The following UNC13C variants were observed in gnomAD, a reference collection of about 807,000 sequenced individuals.
UNC13C encodes the protein protein unc-13 homolog C.
A neutral mutation model predicts 245.4 loss-of-function variants in UNC13C; 174 were observed. That is an observed-to-expected ratio of 0.71 (90% CI 0.63 to 0.80). The LOEUF (loss-of-function observed/expected upper bound fraction) is 0.80, where lower values mean the gene tolerates loss of function less well. UNC13C is among the 30% of genes least tolerant of loss of function. The probability of loss-of-function intolerance (pLI) is 0.00; values close to 1 mark genes in which losing one functional copy is unlikely to be tolerated. For synonymous variants in UNC13C, 992 were observed against 895.1 expected (o/e 1.11, Z -1.93); for missense variants, 2,829 against 2,602.9 (o/e 1.09, Z -1.89).
chr15:54,044,680 A>G (rs1167078295), intron 2 of UNC13C, among the ~76,000 whole-genome samples: 2 of 152,128 alleles, frequency 1.3e-5, no homozygotes, highest in Non-Finnish European at 2.9e-5. Context: ...GATATTTTTT[A>G]AAATAAATTT....
chr15:53,901,055 T>A, the UNC13C span, among the ~76,000 whole-genome samples: 5 of 152,172 alleles, frequency 3.3e-5, no homozygotes, highest in South Asian at 1.0e-3. Flanking sequence ...ATATAAAGTA[T>A]AATAATAATT....
chr15:54,352,961 G>A (rs897117460), intron 17 of UNC13C, among the ~76,000 whole-genome samples: 7 of 151,982 alleles, frequency 4.6e-5, no homozygotes, highest in African/African-American at 1.4e-4. Context: ...TCTTTGAGAC[G>A]TTCTTCTTTG....
At chr15:54,572,679 GCCTC>G (rs1344710403) in intron 30 of UNC13C, among the ~76,000 whole-genome samples, 2 of 152,028 alleles carry the variant, frequency 1.3e-5, no homozygotes, top group Non-Finnish European at 2.9e-5. Context: ...GCCCACGTCA[GCCTC>G]CCAAAGTGCT....
the UNC13C span, among the ~76,000 whole-genome samples, chr15:53,905,092 T>C: frequency 6.6e-6 from 1 of 152,086 alleles, no homozygotes; most frequent in Admixed American, 6.6e-5. Context: ...CTGCTTAAGT[T>C]TAGGTTTTAA....
intron 8 of UNC13C, among the ~76,000 whole-genome samples, chr15:54,263,056 T>C (rs1025634616): frequency 1.3e-5 from 2 of 152,282 alleles, no homozygotes; most frequent in East Asian, 1.9e-4. Flanking sequence ...CCATTTAATC[T>C]CTAAATAGTT....
chr15:54,555,889 A>G (rs1157685802), intron 29 of UNC13C, among the ~76,000 whole-genome samples: 1 of 152,024 alleles, frequency 6.6e-6, no homozygotes, highest in African/African-American at 2.4e-5. Context: ...TTTTGGGTAG[A>G]CAGAATTTGT....
chr15:54,405,547 A>G lies in UNC13C; in HGVS notation c.4848-9435A>G, dbSNP rs2040273611. 2.0e-5 allele frequency among the ~76,000 whole-genome samples: 3 copies of G among 152,164 alleles called. No homozygotes were observed. The South Asian group carries it at 6.2e-4, about 32-fold the overall frequency. ...AAAAGCGAATAAAAAATTTAGTGTC[A>G]AAGTGAGATTACATATTTACAAGTC... On this transcript the variant is annotated intron_variant, in intron 18 of 32. Transcript: ENST00000260323.
chr15:54,027,896 G>A (rs1896184614), intron 2 of UNC13C, among the ~76,000 whole-genome samples: 1 of 151,664 alleles, frequency 6.6e-6, no homozygotes, highest in African/African-American at 2.4e-5. Context: ...CTACCACAAA[G>A]CTGAAGGGAA....
At chr15:54,493,173 G>T (rs1232707564) in intron 19 of UNC13C, among the ~76,000 whole-genome samples, 1 of 152,166 alleles carries the variant, frequency 6.6e-6, no homozygotes, top group Non-Finnish European at 1.5e-5. Flanking sequence ...TTCTCTTAAA[G>T]AGCACAGGGA....
intron 19 of UNC13C, among the ~76,000 whole-genome samples, chr15:54,454,274 C>A (rs973922929): frequency 1.4e-4 from 22 of 152,136 alleles, no homozygotes; most frequent in East Asian, 1.9e-4. Flanking sequence ...AAACTCTGTA[C>A]CCAGTGAACA....
At chr15:54,503,231 TG>T (rs1158052466) in intron 22 of UNC13C, among the ~76,000 whole-genome samples, 1 of 152,164 alleles carries the variant, frequency 6.6e-6, no homozygotes, top group Non-Finnish European at 1.5e-5. Context: ...AAGCATTTTC[TG>T]GAAAAGAAGA....
chr15:54,127,088 T>G (rs552762723), intron 2 of UNC13C, among the ~76,000 whole-genome samples: 22 of 151,848 alleles, frequency 1.4e-4, no homozygotes, highest in Non-Finnish European at 2.9e-4. Context: ...GAAATAGGAG[T>G]GCTTTTACAC....
At chr15:54,059,140 G>A (rs762981100) in intron 2 of UNC13C, among the ~76,000 whole-genome samples, 14 of 152,144 alleles carry the variant, frequency 9.2e-5, no homozygotes, top group Non-Finnish European at 1.5e-4. Flanking sequence ...AAGAAATAAA[G>A]GGTGTTCAAT....
At chr15:54,521,230 C>G (rs1158964588) in intron 24 of UNC13C, among the ~76,000 whole-genome samples, 1 of 152,038 alleles carries the variant, frequency 6.6e-6, no homozygotes, top group African/African-American at 2.4e-5. Context: ...TAAATTTTGG[C>G]CCCTGGTGAG....
intron 2 of UNC13C, chr15:54,049,054 C>A: frequency 2.6e-6 from 1 of 382,770 alleles, no homozygotes; most frequent in South Asian, 2.3e-5. Flanking sequence ...ATATAGATAT[C>A]TCTATTTTTA....
chr15:54,215,893 G>A (rs1025573543), intron 4 of UNC13C, among the ~76,000 whole-genome samples: 11 of 152,016 alleles, frequency 7.2e-5, no homozygotes, highest in Admixed American at 3.9e-4. Context: ...TCCGTTTCAT[G>A]GCTAAATACC....
intron 18 of UNC13C, among the ~76,000 whole-genome samples, chr15:54,401,130 A>C (rs2040174164): frequency 2.0e-5 from 3 of 152,156 alleles, no homozygotes. Context: ...AGGAAAGATA[A>C]GGTAAATATT....
chr15:54,236,017 G>GCA lies in UNC13C; in HGVS notation c.3151-413_3151-412insCA, dbSNP rs1228625229. Reference sequence around the variant, plus strand: ...AATTGACCATGGCCTACATTAGATTGTAAAAAAAAAAAAATCATCGTGAAA... The same window carrying GCA: ...AATTGACCATGGCCTACATTAGATTGCATAAAAAAAAAAAAATCATCGTGAAA... On this transcript the variant is annotated intron_variant, in intron 5 of 32. Coordinates refer to ENST00000260323, the MANE Select transcript of UNC13C (RefSeq NM_001080534.3). Among the ~76,000 whole-genome samples the GCA allele has an allele frequency of 1.9e-4, 20 of 105,500 alleles. 1 individual carries two copies. Among genetic ancestry groups the GCA allele is most frequent in the African/African-American group, 1.0e-3 (20 of 19,824 alleles). 69.2% of individuals were successfully genotyped at this position (105,500 alleles called of 152,430 possible). A position where few individuals can be genotyped will look rare whatever the true frequency, so the allele number is the denominator to read the frequency against.
intron 26 of UNC13C, among the ~76,000 whole-genome samples, chr15:54,542,183 C>T (rs1896276334): frequency 6.6e-6 from 1 of 152,028 alleles, no homozygotes; most frequent in Non-Finnish European, 1.5e-5. Context: ...AGATATTTTA[C>T]TTTGTGTGCT....
Sources: allele counts gnomAD v4.1 joint callset (sites outside exome capture counted in the v4.1 genomes callset), GRCh38; gene constraint gnomAD v4.1.1; transcripts MANE v1.5; gene names NCBI Gene and HGNC (gene_info 2026-07-23, HGNC 2026-07-21).